PDE3A: variants seen among roughly 807,000 people sequenced by gnomAD.
PDE3A encodes phosphodiesterase 3A.
PDE3A carries 43 observed loss-of-function variants against 98.3 expected under a neutral mutation model. That is an observed-to-expected ratio of 0.44 (90% CI 0.34 to 0.56). PDE3A has a LOEUF of 0.56. Ranked by LOEUF, PDE3A falls within the 20% of genes least tolerant of loss-of-function variation. The pLI is 0.01. For missense variants in PDE3A, 1,427 were observed against 1,440.7 expected (o/e 0.99, Z 0.15); for synonymous variants, 663 against 567.9 (o/e 1.17, Z -2.38).
rs1335965761 is a variant in PDE3A, at chr12:20,684,409, C to G, written c.*4138C>G. 2.6e-5 allele frequency: 4 copies of G among 152,142 alleles called. No homozygotes were observed. The highest frequency in any genetic ancestry group is 2.6e-4 in the Admixed American group (4 of 15,278). 9.4% of individuals were successfully genotyped at this position (152,142 alleles called of 1,614,324 possible). A position where few individuals can be genotyped will look rare whatever the true frequency, so the allele number is the denominator to read the frequency against. ...CTCCAATAAAACAAAGTTCTATGAA[C>G]TTTCATAGTCTAGAAAAACCAACAA... On this transcript the variant is annotated 3_prime_UTR_variant, in exon 16 of 16. Transcript: ENST00000359062.
intron 1 of PDE3A, among the ~76,000 whole-genome samples, chr12:20,487,888 C>T (rs1191016019): frequency 6.6e-6 from 1 of 151,794 alleles, no homozygotes; most frequent in African/African-American, 2.4e-5. Context: ...TTCTTTTTGC[C>T]CATTTTGAAG....
chr12:20,639,351 T>C (rs958737148), intron 9 of PDE3A, among the ~76,000 whole-genome samples: 3 of 152,158 alleles, frequency 2.0e-5, no homozygotes, highest in African/African-American at 7.2e-5. Context: ...AATATATTGA[T>C]ATATGATCCT....
intron 9 of PDE3A, among the ~76,000 whole-genome samples, chr12:20,638,129 TAGAAG>T (rs1346474007): frequency 4.0e-5 from 6 of 151,634 alleles, no homozygotes; most frequent in African/African-American, 9.7e-5. Context: ...TGCAAAACAA[TAGAAG>T]AGAAATCACT....
chr12:20,451,723 A>G (rs1315576400), intron 1 of PDE3A, among the ~76,000 whole-genome samples: 2 of 152,238 alleles, frequency 1.3e-5, no homozygotes, highest in Admixed American at 6.5e-5. Context: ...TTCTGCCACA[A>G]TACACGGCAC....
intron 2 of PDE3A, among the ~76,000 whole-genome samples, chr12:20,600,036 GT>G (rs543906912): frequency 5.9e-5 from 9 of 152,206 alleles, no homozygotes; most frequent in African/African-American, 2.2e-4. Context: ...TACACTCCCA[GT>G]TCTTACTTGT....
At chr12:20,640,512 C>T (rs932021383) in intron 10 of PDE3A, among the ~76,000 whole-genome samples, 6 of 151,842 alleles carry the variant, frequency 4.0e-5, no homozygotes, top group Admixed American at 6.6e-5. Context: ...ATAGAAAAGA[C>T]ATATGGAAGT....
Position 20,488,722 on chromosome 12 carries a change from C to T in PDE3A, c.961-67938C>T, listed in dbSNP as rs141457073. ...ACAACAAATAATTACCTCAGCCTCT[C>T]GAGTATACTGTAGGTACAAAGCCAC... On this transcript the variant is annotated intron_variant, in intron 1 of 15. Transcript: ENST00000359062. Among the ~76,000 whole-genome samples, 17 of 151,990 alleles carry T rather than the reference C, an allele frequency of 1.1e-4. No homozygotes were observed. In the East Asian group the frequency reaches 2.5e-3, roughly 23 times the overall value.
chr12:20,543,191 T>C (rs1285403115), intron 1 of PDE3A, among the ~76,000 whole-genome samples: 1 of 151,914 alleles, frequency 6.6e-6, no homozygotes, highest in Admixed American at 6.6e-5. Context: ...GAACCTAAAA[T>C]CTGTTTTATT....
intron 1 of PDE3A, among the ~76,000 whole-genome samples, chr12:20,392,566 C>T (rs1274237163): frequency 6.6e-6 from 1 of 151,550 alleles, no homozygotes; most frequent in East Asian, 1.9e-4. Flanking sequence ...TAAAATCTAG[C>T]TGGACATTAT....
intron 1 of PDE3A, chr12:20,551,881 T>C (rs886311962): frequency 3.7e-6 from 6 of 1,613,592 alleles, no homozygotes; most frequent in Middle Eastern, 1.7e-4. Context: ...GTCCAACCAC[T>C]ACGGACCCAT....
intron 1 of PDE3A, among the ~76,000 whole-genome samples, chr12:20,467,488 G>A (rs1222129502): frequency 2.6e-5 from 4 of 151,780 alleles, no homozygotes; most frequent in Non-Finnish European, 5.9e-5. Context: ...TATAAAGGAG[G>A]ATTTTTAAAG....
intron 1 of PDE3A, among the ~76,000 whole-genome samples, chr12:20,448,751 G>GT (rs1265923346): frequency 7.4e-6 from 1 of 134,378 alleles, no homozygotes; most frequent in Non-Finnish European, 1.6e-5. Flanking sequence ...TTTATTTTAA[G>GT]GTTTTTTTTT....
At chr12:20,672,464 G>T (rs898834632) in intron 15 of PDE3A, among the ~76,000 whole-genome samples, 3 of 151,172 alleles carry the variant, frequency 2.0e-5, no homozygotes, top group African/African-American at 7.3e-5. Context: ...CAAGGCTAGA[G>T]TAACCAAAAC....
chr12:20,552,738 C>T lies in PDE3A; in HGVS notation c.961-3922C>T, dbSNP rs895604837. On this transcript the variant is annotated intron_variant, in intron 1 of 15. Transcript: ENST00000359062. This position sits in a 1 kb window ranked among gnomAD's most constrained non-coding sequence, Gnocchi z 5.1. The stretch of plus-strand genomic sequence containing the variant: ...ATGAGGTCCTGGCGTCACTCAAGGA[C>T]CGGCCGGCGAGCGGCAGCCCGTTCC... 5.4e-5 allele frequency: 87 copies of T among 1,613,946 alleles called. No individual in the cohort carries two copies. The highest frequency in any genetic ancestry group is 6.6e-5 in the Non-Finnish European group (78 of 1,179,920).
chr12:20,431,681 T>C (rs1944702037), intron 1 of PDE3A, among the ~76,000 whole-genome samples: 1 of 152,110 alleles, frequency 6.6e-6, no homozygotes, highest in African/African-American at 2.4e-5. Flanking sequence ...TTGACGTATA[T>C]GTACCTATAG....
At chr12:20,585,840 G>A (rs1943182125) in intron 2 of PDE3A, among the ~76,000 whole-genome samples, 1 of 151,928 alleles carries the variant, frequency 6.6e-6, no homozygotes. Flanking sequence ...TGTCTTCACT[G>A]TGCTTGCCTT....
At position 20,369,372 on chromosome 12, in the gene PDE3A, C is replaced by T; in HGVS notation, c.88C>T (p.His30Tyr). ...AGCCCCCACGGCGGGCCGGGACTGC[C>T]ACCATCGTGCGGACCCCGCATCGCC... ...SQAPTAGRDCHHRADPASPRD... is the reference protein window; with the variant it reads ...SQAPTAGRDCYHRADPASPRD... Residue 30 changes from histidine to tyrosine, a missense_variant, in exon 1 of 16, where the codon CAC becomes TAC. Physicochemically the swap from His to Tyr is moderately conservative, Grantham distance 83. Coordinates refer to ENST00000359062, the MANE Select transcript of PDE3A (RefSeq NM_000921.5). The T allele has an allele frequency of 1.3e-6, 2 of 1,549,792 alleles. No homozygotes were observed. The highest frequency in any genetic ancestry group is 1.7e-6 in the Non-Finnish European group (2 of 1,147,174).
intron 1 of PDE3A, among the ~76,000 whole-genome samples, chr12:20,458,811 A>AT (rs372185725): frequency 6.6e-6 from 1 of 152,104 alleles, no homozygotes; most frequent in Non-Finnish European, 1.5e-5. Flanking sequence ...GATACTGTCC[A>AT]TTTTTTGCAT....
chr12:20,564,445 A>T (rs1942607616), intron 2 of PDE3A, among the ~76,000 whole-genome samples: 1 of 152,176 alleles, frequency 6.6e-6, no homozygotes, highest in South Asian at 2.1e-4. Context: ...AGTCTATCGA[A>T]TAGAAATTTT....
Sources: gnomAD v4.1 joint callset for allele counts (sites outside exome capture counted in the v4.1 genomes callset) on GRCh38, gnomAD v4.1.1 for gene constraint, Gnocchi (gnomAD v3.1) non-coding constraint, MANE v1.5 for transcripts, NCBI Gene and HGNC (gene_info 2026-07-23, HGNC 2026-07-21) for gene names.